The following TCERG1 variants were observed in gnomAD, a reference collection of about 807,000 sequenced individuals.
TCERG1 encodes transcription elongation regulator 1.
A neutral mutation model predicts 144.7 loss-of-function variants in TCERG1; 37 were observed. That is an observed-to-expected ratio of 0.26 (90% CI 0.20 to 0.34). TCERG1 has a LOEUF of 0.34. Among genes scored for constraint, TCERG1 ranks in the 10% least tolerant of loss-of-function variants. The pLI is 1.00. For missense variants in TCERG1, 1,027 were observed against 1,380.7 expected (o/e 0.74, Z 4.06); for synonymous variants, 492 against 458.2 (o/e 1.07, Z -0.94).
chr5:146,498,472 C>T (rs1300243632), intron 16 of TCERG1, 64 bp from the exon 17 acceptor site: 16 of 1,511,376 alleles, frequency 1.1e-5, no homozygotes, highest in Middle Eastern at 1.8e-4. Flanking sequence ...ATGGTATCTT[C>T]TGCTATGCCT....
At position 146,459,192 on chromosome 5, in the gene TCERG1, A is replaced by G; in HGVS notation, c.747A>G (p.Ala249=). The change falls in exon 4 of 23, where the codon GCA becomes GCG. Residue 249 remains alanine (A), a synonymous_variant. Transcript: ENST00000679501. ...AQAQVQAQVQ[A]QVQAQAVGAS... is the part of the protein sequence containing the mutation. ...CTCAGGTCCAGGCCCAGGTCCAGGC[A>G]CAAGTGCAAGCACAAGCAGTTGGAG... is the stretch of plus-strand genomic sequence containing the variant. The G allele has an allele frequency of 6.2e-7, 1 of 1,614,160 alleles. No homozygotes were observed. The highest frequency in any genetic ancestry group is 8.5e-7 in the Non-Finnish European group (1 of 1,179,966).
intron 5 of TCERG1, among the ~76,000 whole-genome samples, chr5:146,467,075 G>T (rs1763859090): frequency 6.6e-6 from 1 of 152,006 alleles, no homozygotes; most frequent in Non-Finnish European, 1.5e-5. Context: ...TATTCAACAT[G>T]CTTTCATGAT....
chr5:146,502,701 TTAATGC>T (rs1190392807), intron 17 of TCERG1, among the ~76,000 whole-genome samples: 1 of 152,220 alleles, frequency 6.6e-6, no homozygotes, highest in African/African-American at 2.4e-5. Flanking sequence ...ACATACATGT[TTAATGC>T]TAAAAAGTGT....
At chr5:146,501,109 TTG>T (rs1323145637) in intron 17 of TCERG1, among the ~76,000 whole-genome samples, 1 of 152,176 alleles carries the variant, frequency 6.6e-6, no homozygotes, top group Non-Finnish European at 1.5e-5. Context: ...TTTTATAAAA[TTG>T]TGGTTCAAAT....
chr5:146,468,320 G>A (rs200374788), intron 5 of TCERG1, 21 bp from the exon 6 acceptor site: 666 of 1,567,016 alleles, frequency 4.3e-4, no homozygotes, highest in Non-Finnish European at 5.6e-4. Flanking sequence ...TCCAACGTAT[G>A]CTTGCTTATC....
rs1362453029 is a variant in TCERG1 at position 146,503,916 on chromosome 5, T to G, written c.2691T>G (p.Arg897=). 7.4e-6 allele frequency: 12 copies of G among 1,613,350 alleles called. No homozygotes were observed. The highest frequency in any genetic ancestry group is 1.0e-5 in the Non-Finnish European group (12 of 1,179,756). Residue 897 remains arginine (R), a synonymous_variant, in exon 19 of 23, where the codon CGT becomes CGG. Coordinates refer to ENST00000679501, the MANE Select transcript of TCERG1 (RefSeq NM_001382548.1). ...REREREVQKA[R]SEQTKEIDRE... ...GAGAAAGGGAGGTTCAAAAGGCCCG[T>G]TCAGAACAAACAAAAGAAATAGATC... is the stretch of plus-strand genomic sequence containing the variant.
chr5:146,478,952 A>T (rs1278981613), intron 10 of TCERG1, among the ~76,000 whole-genome samples: 1 of 152,130 alleles, frequency 6.6e-6, no homozygotes, highest in East Asian at 1.9e-4. Flanking sequence ...TATCAATACT[A>T]CTAAAATGCT....
Position 146,459,301 on chromosome 5 carries a change from A to T in TCERG1, c.856A>T (p.Thr286Ser). 6.2e-7 allele frequency: 1 copy of T among 1,614,194 alleles called. No individual in the cohort carries two copies. The highest frequency in any genetic ancestry group is 1.3e-5 in the African/African-American group (1 of 75,070). The change falls in exon 4 of 23, where the codon ACA becomes TCA. Residue 286 changes from threonine to serine, a missense_variant. By Grantham distance (58) the Thr-to-Ser change is moderately conservative (BLOSUM62 1). Around this residue, in one of 6 missense-constraint regions of TCERG1, gnomAD observed 187 missense variants for 169.1 expected, o/e 1.11. Coordinates refer to ENST00000679501, the MANE Select transcript of TCERG1 (RefSeq NM_001382548.1). ...SSTPSSTTST[T>S]TTATSVAQTV... is the part of the protein sequence containing the mutation. ...CACCCCTTCCTCTACCACTTCTACC[A>T]CAACAACTGCTACTTCAGTTGCGCA...
intron 16 of TCERG1, among the ~76,000 whole-genome samples, chr5:146,494,904 C>G (rs762850654): frequency 1.3e-5 from 2 of 152,116 alleles, no homozygotes; most frequent in African/African-American, 2.4e-5. Flanking sequence ...TACCTACTTC[C>G]TTCCAAAATA....
At chr5:146,471,458 T>C in intron 8 of TCERG1, 30 bp from the exon 9 acceptor site, 1 of 1,590,040 alleles carries the variant, frequency 6.3e-7, no homozygotes, top group Non-Finnish European at 8.6e-7. Context: ...GTTAATGTGA[T>C]ACTAATTAGA....
At chr5:146,455,991 T>C (rs896223159) in intron 2 of TCERG1, among the ~76,000 whole-genome samples, 1 of 152,216 alleles carries the variant, frequency 6.6e-6, no homozygotes, top group African/African-American at 2.4e-5. Context: ...TTTCTTAGTT[T>C]AGTCTGTATA....
At position 146,510,560 on chromosome 5, in the gene TCERG1, T is replaced by C; in HGVS notation, c.3266T>C (p.Val1089Ala). The C allele has an allele frequency of 6.2e-7, 1 of 1,614,182 alleles. No individual in the cohort carries two copies. The highest frequency in any genetic ancestry group is 8.5e-7 in the Non-Finnish European group (1 of 1,180,032). ...CCAGAGGAGAGGCGTAAACTGATTG[T>C]GGCATATGTTGATGACCTGGATCGC... ...CVPEERRKLI[V>A]AYVDDLDRRG... The change falls in exon 23 of 23, where the codon GTG becomes GCG. Residue 1089 changes from valine to alanine, a missense_variant. Coordinates refer to ENST00000679501, the MANE Select transcript of TCERG1 (RefSeq NM_001382548.1).
intron 5 of TCERG1, among the ~76,000 whole-genome samples, chr5:146,467,910 T>A (rs548508674): frequency 6.6e-6 from 1 of 152,332 alleles, no homozygotes; most frequent in South Asian, 2.1e-4. Flanking sequence ...AGCTCCTGCA[T>A]GTAGTTTCAA....
At chr5:146,451,319 C>CTTTTTTTTTTTTTTTTTTTTT (rs56346846) in intron 1 of TCERG1, among the ~76,000 whole-genome samples, 1 of 138,892 alleles carries the variant, frequency 7.2e-6, no homozygotes, top group African/African-American at 2.7e-5. Context: ...ATCCATATTC[C>CTTTTTTTTTTTTTTTTTTTTT]TTTTTTTTTT....
At position 146,499,186 on chromosome 5, in the gene TCERG1, G is replaced by A. The variant is rs137945314; in HGVS notation, c.2433+500G>A. On this transcript the variant is annotated intron_variant, in intron 17 of 22. Coordinates refer to ENST00000679501, the MANE Select transcript of TCERG1 (RefSeq NM_001382548.1). ...AAATGTCATTTGATAGCAGTGTCAGGAGTGGAGAGGAGCTTACCACTGGGG... is the reference window on the plus strand; with the variant it reads ...AAATGTCATTTGATAGCAGTGTCAGAAGTGGAGAGGAGCTTACCACTGGGG... Among the ~76,000 whole-genome samples, 3 of 152,302 alleles carry A rather than the reference G, an allele frequency of 2.0e-5. No homozygotes were observed. In the East Asian group the frequency reaches 5.8e-4, roughly 29 times the overall value.
At chr5:146,499,394 ATGT>A (rs1260847369) in intron 17 of TCERG1, among the ~76,000 whole-genome samples, 27 of 152,236 alleles carry the variant, frequency 1.8e-4, no homozygotes, top group African/African-American at 6.5e-4. Flanking sequence ...CTATTAAGAA[ATGT>A]TGTTTGAAAG....
Position 146,459,331 on chromosome 5 carries a change from G to T in TCERG1, c.886G>T (p.Val296Leu). The change falls in exon 4 of 23, where the codon GTA becomes TTA. Residue 296 changes from valine to leucine, a missense_variant. By Grantham distance (32) the Val-to-Leu change is conservative (BLOSUM62 1). This residue lies in a region of TCERG1 where 187 missense variants were observed against 169.1 expected (regional missense o/e 1.11). Coordinates refer to ENST00000679501, the MANE Select transcript of TCERG1 (RefSeq NM_001382548.1). ...TTTATSVAQTVSTPTTQDQTP... is the reference protein window; with the variant it reads ...TTTATSVAQTLSTPTTQDQTP... ...AACTGCTACTTCAGTTGCGCAGACA[G>T]TATCAAGTGAGTACCACTCAGCATG... 2 of 1,613,836 alleles carry T rather than the reference G, an allele frequency of 1.2e-6. No individual in the cohort carries two copies. The highest frequency in any genetic ancestry group is 1.7e-6 in the Non-Finnish European group (2 of 1,179,780).
At chr5:146,456,041 C>G (rs1011886278) in intron 2 of TCERG1, among the ~76,000 whole-genome samples, 1 of 152,064 alleles carries the variant, frequency 6.6e-6, no homozygotes, top group Non-Finnish European at 1.5e-5. Context: ...CATCTGCCTT[C>G]CATTAGCTTA....
chr5:146,507,311 A>T lies in TCERG1; in HGVS notation c.2961+104A>T. 1 of 1,038,498 alleles carries T rather than the reference A, an allele frequency of 9.6e-7. No individual in the cohort carries two copies. Among genetic ancestry groups the T allele is most frequent in the Non-Finnish European group, 1.4e-6 (1 of 734,374 alleles). 64.3% of individuals were successfully genotyped at this position (1,038,498 alleles called of 1,614,324 possible). ...TTTTAGTGTCATGGTCTTTAGATTC[A>T]TTACTGGAATGCATCTTATGACAAT... On this transcript the variant is annotated intron_variant, in intron 20 of 22. Coordinates refer to ENST00000679501, the MANE Select transcript of TCERG1 (RefSeq NM_001382548.1). The surrounding 1 kb of genome is among the most constrained non-coding windows in gnomAD (Gnocchi z 4.6).
Sources: gnomAD v4.1 joint callset for allele counts (sites outside exome capture counted in the v4.1 genomes callset) on GRCh38, gnomAD v4.1.1 for gene constraint, gnomAD v4.1.1 regional missense constraint, Gnocchi (gnomAD v3.1) non-coding constraint, MANE v1.5 for transcripts, NCBI Gene and HGNC (gene_info 2026-07-23, HGNC 2026-07-21) for gene names.